The following TMPRSS9 variants were observed in gnomAD, a reference collection of about 807,000 sequenced individuals.
TMPRSS9 encodes the protein transmembrane serine protease 9.
A neutral mutation model predicts 111.4 loss-of-function variants in TMPRSS9; 113 were observed. The observed-to-expected ratio is 1.01, with a 90% CI of 0.87 to 1.19. The LOEUF is 1.19. Ranked by LOEUF, TMPRSS9 falls within the 50% of genes most tolerant of loss-of-function variation. The pLI is 0.00. For synonymous variants in TMPRSS9, 805 were observed against 659.1 expected (o/e 1.22, Z -3.39); for missense variants, 1,803 against 1,513.1 (o/e 1.19, Z -3.18).
At chr19:2,371,771 C>T (rs557594623) in intron 1 of TMPRSS9, among the ~76,000 whole-genome samples, 1 of 151,544 alleles carries the variant, frequency 6.6e-6, no homozygotes, top group Non-Finnish European at 1.5e-5. Flanking sequence ...GACAACTGGT[C>T]ACCCCAAAGC....
chr19:2,409,798 G>C (rs3848631), intron 8 of TMPRSS9, among the ~76,000 whole-genome samples: 14,027 of 152,046 alleles, frequency 0.092, 928 homozygotes, highest in East Asian at 0.26. Flanking sequence ...CTGGCTGCCG[G>C]GTTGGGAATG....
At chr19:2,423,058 A>AT (rs1164524990) in intron 14 of TMPRSS9, among the ~76,000 whole-genome samples, 1 of 149,516 alleles carries the variant, frequency 6.7e-6, no homozygotes, top group Non-Finnish European at 1.5e-5. Flanking sequence ...CTCTAAAAAA[A>AT]TTAAAAAAAA....
Position 2,395,924 on chromosome 19 carries a change from C to T in TMPRSS9, c.143-615C>T, listed in dbSNP as rs941975247. On this transcript the variant is annotated intron_variant, in intron 1 of 17. Transcript: ENST00000648592. ...TCGGGAGGCTGAGGCAGGAGAATGG[C>T]ATGAACCCGGGAGGCGCAGCTTGCA... Among the ~76,000 whole-genome samples, 30 of 152,206 alleles carry T rather than the reference C, an allele frequency of 2.0e-4. 1 individual carries two copies. The highest frequency in any genetic ancestry group is 7.0e-4 in the African/African-American group (29 of 41,462).
intron 1 of TMPRSS9, among the ~76,000 whole-genome samples, chr19:2,393,166 A>T (rs565302761): frequency 1.3e-5 from 2 of 152,214 alleles, no homozygotes; most frequent in Non-Finnish European, 2.9e-5. Context: ...CGGCTTGGGG[A>T]CCTTTTCACA....
chr19:2,416,487 A>G, intron 11 of TMPRSS9, 51 bp from the exon 13 acceptor site: 1 of 1,563,582 alleles, frequency 6.4e-7, no homozygotes, highest in Admixed American at 1.7e-5. Context: ...CTCCCCAAGA[A>G]GGCGGGCATG....
chr19:2,387,058 A>T (rs1196021529), upstream of TMPRSS9, among the ~76,000 whole-genome samples: 1 of 149,460 alleles, frequency 6.7e-6, no homozygotes, highest in Non-Finnish European at 1.5e-5. Context: ...CCCTCTCCAC[A>T]AAAAACAGAA....
chr19:2,410,005 G>C (rs1971060756), intron 8 of TMPRSS9, among the ~76,000 whole-genome samples: 1 of 152,136 alleles, frequency 6.6e-6, no homozygotes, highest in Non-Finnish European at 1.5e-5. Flanking sequence ...GAGGGGTGGA[G>C]CTTGCGGAAG....
At chr19:2,387,444 G>C (rs1384515322), upstream of TMPRSS9, among the ~76,000 whole-genome samples, 1 of 151,940 alleles carries the variant, frequency 6.6e-6, no homozygotes. Flanking sequence ...GCAGTGAGCA[G>C]AGACTGTGCC....
At chr19:2,401,951 T>G (rs1358329861) in intron 4 of TMPRSS9, 24 bp from the exon 6 acceptor site, 4 of 1,606,474 alleles carry the variant, frequency 2.5e-6, no homozygotes, top group Non-Finnish European at 3.4e-6. Flanking sequence ...TCAGTGAGCT[T>G]CTATCTTCTC....
intron 1 of TMPRSS9, among the ~76,000 whole-genome samples, chr19:2,372,563 T>A (rs962820693): frequency 2.0e-5 from 3 of 152,282 alleles, no homozygotes; most frequent in African/African-American, 7.2e-5. Context: ...TACTCTGAGA[T>A]TAGCAGTGTG....
At chr19:2,363,731 C>T (rs1023645807) in intron 1 of TMPRSS9, among the ~76,000 whole-genome samples, 4 of 151,094 alleles carry the variant, frequency 2.6e-5, no homozygotes, top group Non-Finnish European at 5.9e-5. Context: ...GGGAGCATAA[C>T]AGGGAAGCTG....
chr19:2,368,980 T>A (rs1403034706), intron 1 of TMPRSS9, among the ~76,000 whole-genome samples: 1 of 149,976 alleles, frequency 6.7e-6, no homozygotes, highest in Non-Finnish European at 1.5e-5. Context: ...AGACAGAGTT[T>A]TGCTCTCATT....
chr19:2,417,537 A>G (rs1400595918), intron 12 of TMPRSS9, among the ~76,000 whole-genome samples: 2 of 151,944 alleles, frequency 1.3e-5, no homozygotes, highest in African/African-American at 4.8e-5. Context: ...AGTCCCAGCT[A>G]CTTAGGAGGC....
At chr19:2,375,785 C>A (rs1970328814) in intron 1 of TMPRSS9, among the ~76,000 whole-genome samples, 1 of 152,116 alleles carries the variant, frequency 6.6e-6, no homozygotes, top group Non-Finnish European at 1.5e-5. Context: ...GGATGCTGGG[C>A]AGACAAAAAA....
At chr19:2,425,452 C>T (rs369996631) in exon 17 of TMPRSS9, 19 of 1,592,270 alleles carry the variant, frequency 1.2e-5, no homozygotes, top group Non-Finnish European at 1.5e-5. Context: ...CAGCCGCATG[C>T]TGTGTGCCGG....
intron 1 of TMPRSS9, among the ~76,000 whole-genome samples, chr19:2,362,162 G>C (rs1380267185): frequency 1.3e-5 from 2 of 152,144 alleles, no homozygotes; most frequent in African/African-American, 4.8e-5. Flanking sequence ...GTGTATGGTT[G>C]TGTGTGGTCA....
rs1970858199 is a variant in TMPRSS9 at position 2,401,957 on chromosome 19, T to G, written c.515-18T>G. 6.2e-7 allele frequency: 1 copy of G among 1,607,744 alleles called. No individual in the cohort carries two copies. ...ACCGCTTATTCAGTGAGCTTCTATC[T>G]TCTCTGTTTTGTTGCAGGGAGACAT... is the stretch of plus-strand genomic sequence containing the variant. On this transcript the variant is annotated intron_variant, in intron 4 of 17. Transcript: ENST00000648592.
At position 2,418,153 on chromosome 19, in the gene TMPRSS9, G is replaced by T. The variant is rs760884942; in HGVS notation, c.2154+15G>T. ...ACTCCTGCCAGGTAAGCATTCAAAG[G>T]GGGAAAGCGGGCAATATTTCCATGA... On this transcript the variant is annotated intron_variant, in intron 13 of 17. Transcript: ENST00000648592. 6.3e-7 allele frequency: 1 copy of T among 1,599,430 alleles called. No homozygotes were observed. The highest frequency in any genetic ancestry group is 1.1e-5 in the South Asian group (1 of 90,752).
At chr19:2,373,278 C>T (rs75587362) in intron 1 of TMPRSS9, among the ~76,000 whole-genome samples, 32,105 of 151,878 alleles carry the variant, frequency 0.21, 5,717 homozygotes, top group African/African-American at 0.48. Context: ...TCGCCCAGGC[C>T]GGAGTGCAAT....
Sources: gnomAD v4.1 joint callset for allele counts (sites outside exome capture counted in the v4.1 genomes callset) on GRCh38, gnomAD v4.1.1 for gene constraint, MANE v1.5 for transcripts, NCBI Gene and HGNC (gene_info 2026-07-23, HGNC 2026-07-21) for gene names.